Variants in DNAH14 observed in about 807,000 individuals in gnomAD.
DNAH14 encodes the protein axonemal beta dynein heavy chain 14.
Under a neutral mutation model 520.9 loss-of-function variants are expected in DNAH14, and 478 were observed. That is an observed-to-expected ratio of 0.92 (90% confidence interval 0.85 to 0.99). DNAH14 has a LOEUF of 0.99. DNAH14 is among the 50% of genes least tolerant of loss of function. DNAH14 has a pLI of 0.00. For synonymous variants in DNAH14, 1,581 were observed against 1,757.2 expected, an observed-to-expected ratio of 0.90 and a Z score of 2.51; for missense variants, 4,831 against 5,234.5, an observed-to-expected ratio of 0.92 and a Z score of 2.38.
chr1:224,970,213 A>G (rs563239370), intron 7 of DNAH14, among the ~76,000 whole-genome samples: 30 of 152,240 alleles, frequency 2.0e-4, no homozygotes, highest in Non-Finnish European at 4.0e-4. Flanking sequence ...TCAAAGCTGT[A>G]GGGATGAAAT....
chr1:225,303,873 G>A (rs1482187746), intron 57 of DNAH14, among the ~76,000 whole-genome samples: 2 of 152,148 alleles, frequency 1.3e-5, no homozygotes, highest in African/African-American at 4.8e-5. Context: ...TTGACCAAAG[G>A]AGCTGTAAAT....
At chr1:224,951,399 AT>A (rs35121883) in intron 1 of DNAH14, among the ~76,000 whole-genome samples, 183 of 146,582 alleles carry the variant, frequency 1.2e-3, no homozygotes, top group Middle Eastern at 3.5e-3. Context: ...TGATTTAGGG[AT>A]TTTTTTTTTT....
chr1:224,970,222 A>G (rs952352179), intron 7 of DNAH14, among the ~76,000 whole-genome samples: 16 of 152,110 alleles, frequency 1.1e-4, no homozygotes, highest in African/African-American at 3.9e-4. Flanking sequence ...TAGGGATGAA[A>G]TAAGCCCCAG....
chr1:224,940,788 G>A (rs888231134), intron 1 of DNAH14, among the ~76,000 whole-genome samples: 21 of 151,286 alleles, frequency 1.4e-4, no homozygotes, highest in South Asian at 4.2e-4. Flanking sequence ...TTGTCCTTGC[G>A]ATAGTTTGCT....
Position 225,358,553 on chromosome 1 carries a change from A to G in DNAH14, c.11677A>G (p.Lys3893Glu). The G allele has an allele frequency of 3.2e-6, 5 of 1,548,990 alleles. No individual in the cohort carries two copies. The highest frequency in any genetic ancestry group is 4.4e-6 in the Non-Finnish European group (5 of 1,145,848). The change falls in exon 74 of 86, where the codon AAA becomes GAA. Residue 3893 changes from lysine (K) to glutamate (E), a missense_variant. By Grantham distance (56) the Lys-to-Glu change is moderately conservative. Coordinates refer to ENST00000682510, the MANE Select transcript of DNAH14 (RefSeq NM_001367479.1). ...TTCAGTGAGAAAGTTTATAACTGAA[A>G]AAATGGGAAATAAGTATCTTCAAAG... is the stretch of plus-strand genomic sequence containing the variant. Reference protein sequence around the residue: ...NNSVRKFITEKMGNKYLQRTG... With the variant: ...NNSVRKFITEEMGNKYLQRTG...
At chr1:225,056,404 G>C (rs1396393325) in intron 17 of DNAH14, among the ~76,000 whole-genome samples, 2 of 151,986 alleles carry the variant, frequency 1.3e-5, no homozygotes, top group African/African-American at 4.8e-5. Context: ...AAATTTGTTT[G>C]AGTTCATTGT....
chr1:225,365,767 A>C (rs2095545239), intron 76 of DNAH14, among the ~76,000 whole-genome samples: 1 of 141,768 alleles, frequency 7.1e-6, no homozygotes. Flanking sequence ...TGGTCAGGAG[A>C]GGGGAATTGG....
intron 76 of DNAH14, among the ~76,000 whole-genome samples, 174 bp downstream of exon 76, chr1:225,365,068 G>A (rs1428000579): frequency 6.6e-6 from 1 of 152,178 alleles, no homozygotes; most frequent in African/African-American, 2.4e-5. Flanking sequence ...GAACACTAAA[G>A]TAGATTCCTA....
At chr1:224,975,249 T>A (rs1168872941) in intron 8 of DNAH14, among the ~76,000 whole-genome samples, 1 of 152,226 alleles carries the variant, frequency 6.6e-6, no homozygotes, top group Non-Finnish European at 1.5e-5. Flanking sequence ...ATAAAATGAA[T>A]TAGGGAGGAT....
chr1:225,077,792 C>T (rs1052317871), intron 17 of DNAH14, among the ~76,000 whole-genome samples: 4 of 152,110 alleles, frequency 2.6e-5, no homozygotes, highest in African/African-American at 9.7e-5. Flanking sequence ...ACACATGCCC[C>T]ATAATAAAAT....
intron 17 of DNAH14, among the ~76,000 whole-genome samples, chr1:225,073,318 A>G (rs1254123819): frequency 6.6e-6 from 1 of 152,192 alleles, no homozygotes; most frequent in Non-Finnish European, 1.5e-5. Context: ...CCAAGCAGCA[A>G]AGATGGCAGC....
At chr1:225,155,582 T>G (rs918154520) in intron 34 of DNAH14, among the ~76,000 whole-genome samples, 3 of 152,212 alleles carry the variant, frequency 2.0e-5, no homozygotes, top group African/African-American at 7.2e-5. Flanking sequence ...TTTATAGTCC[T>G]GTAGTCACCT....
chr1:225,228,900 G>A (rs900671809), intron 41 of DNAH14, among the ~76,000 whole-genome samples: 5 of 152,172 alleles, frequency 3.3e-5, no homozygotes, highest in Non-Finnish European at 7.3e-5. Context: ...ATGAGCTGAA[G>A]GCAGCTGTTC....
intron 23 of DNAH14, among the ~76,000 whole-genome samples, chr1:225,110,172 A>AAAG (rs2148813883): frequency 6.6e-6 from 1 of 152,142 alleles, no homozygotes; most frequent in South Asian, 2.1e-4. Context: ...GTCTGCTTTT[A>AAAG]GTATCAGGGT....
chr1:224,971,589 A>G (rs953822422), intron 7 of DNAH14, among the ~76,000 whole-genome samples: 2 of 152,234 alleles, frequency 1.3e-5, no homozygotes, highest in African/African-American at 2.4e-5. Flanking sequence ...ATAATAAAAC[A>G]GAGAACTAGA....
chr1:225,373,384 G>GA (rs1160688767), intron 77 of DNAH14, among the ~76,000 whole-genome samples: 6 of 151,516 alleles, frequency 4.0e-5, no homozygotes, highest in Non-Finnish European at 8.8e-5. Context: ...AGAATCGCTT[G>GA]AACCCGGGAG....
intron 41 of DNAH14, among the ~76,000 whole-genome samples, chr1:225,217,196 C>A (rs2089472967): frequency 6.6e-6 from 1 of 151,796 alleles, no homozygotes; most frequent in Non-Finnish European, 1.5e-5. Flanking sequence ...CTGGGTATCA[C>A]CAGCGGAGGC....
chr1:225,312,541 T>C (rs528132199), intron 60 of DNAH14, among the ~76,000 whole-genome samples: 1 of 152,350 alleles, frequency 6.6e-6, no homozygotes, highest in East Asian at 1.9e-4. Flanking sequence ...AAGGGAATGC[T>C]TCCAGCTTTT....
At chr1:225,218,974 C>A (rs1410944758) in intron 41 of DNAH14, among the ~76,000 whole-genome samples, 1 of 152,208 alleles carries the variant, frequency 6.6e-6, no homozygotes, top group Non-Finnish European at 1.5e-5. Flanking sequence ...ACAGTGCAAT[C>A]AAGTTAGAAC....
Sources: gnomAD v4.1 joint callset for allele counts (sites outside exome capture counted in the v4.1 genomes callset) on GRCh38, gnomAD v4.1.1 for gene constraint, MANE v1.5 for transcripts, NCBI Gene and HGNC (gene_info 2026-07-23, HGNC 2026-07-21) for gene names.